The following KDM6A variants were observed in gnomAD, a reference collection of about 807,000 sequenced individuals.
The protein encoded by KDM6A is lysine demethylase 6A, also known as lysine-specific demethylase 6A.
KDM6A carries 11 observed loss-of-function variants against 117.6 expected under a neutral mutation model. That is an observed-to-expected ratio of 0.09 (90% CI 0.06 to 0.15). The LOEUF is 0.15. KDM6A is among the 10% of genes least tolerant of loss of function. The pLI, the probability that KDM6A is intolerant of heterozygous loss-of-function variation, is 1.00. For synonymous variants in KDM6A, 384 were observed against 396.1 expected (o/e 0.97, Z 0.36); for missense variants, 799 against 1,077.3 (o/e 0.74, Z 3.62).
intron 4 of KDM6A, among the ~76,000 whole-genome samples, chrX:44,986,398 G>A (rs1238994586): frequency 9.0e-6 from 1 of 111,226 alleles, no homozygotes; most frequent in Non-Finnish European, 1.9e-5. Flanking sequence ...GGTTTTTGGT[G>A]TCTCTATTTC....
chrX:44,961,341 T>G lies in KDM6A; in HGVS notation c.283T>G (p.Phe95Val). Residue 95 changes from phenylalanine to valine, a missense_variant, in exon 3 of 30, where the codon TTC (phenylalanine) becomes GTC (valine). Phe to Val is a conservative substitution (Grantham distance 50). This residue lies in a region of KDM6A where 89 missense variants were observed against 117.8 expected (regional missense o/e 0.76). Coordinates refer to ENST00000611820, the MANE Select transcript of KDM6A (RefSeq NM_001291415.2). ...LKAEGKVESD[F>V]FCQLGHFNLL... ...AGCTGAAGGAAAAGTGGAGTCTGAT[T>G]TCTTTTGTCAATTAGGTCACTTCAA... 8.3e-7 allele frequency: 1 copy of G among 1,204,228 alleles called. No individual in the cohort carries two copies. The highest frequency in any genetic ancestry group is 1.1e-6 in the Non-Finnish European group (1 of 889,164).
At chrX:44,984,490 C>T (rs2040092081) in intron 4 of KDM6A, among the ~76,000 whole-genome samples, 1 of 111,606 alleles carries the variant, frequency 9.0e-6, no homozygotes, top group African/African-American at 3.3e-5. Flanking sequence ...CTTGCCCAGG[C>T]CTGTGTCCTG....
chrX:45,061,179 A>AT (rs2044271106), intron 14 of KDM6A, 145 bp from the exon 15 acceptor site: 3 of 378,890 alleles, frequency 7.9e-6, no homozygotes, highest in South Asian at 4.4e-5. Context: ...ATGTAAAATT[A>AT]TTTTTTAAAG....
intron 8 of KDM6A, among the ~76,000 whole-genome samples, chrX:45,041,127 A>AC (rs1198781045): frequency 6.5e-5 from 3 of 46,407 alleles, no homozygotes; most frequent in Admixed American, 2.5e-4. Context: ...CGGGGGGCTG[A>AC]CCCCCACCAC....
chrX:44,894,993 C>A (rs868388640), intron 2 of KDM6A, among the ~76,000 whole-genome samples: 27 of 111,138 alleles, frequency 2.4e-4, no homozygotes, highest in Middle Eastern at 9.3e-3. Context: ...TCTCGAACTC[C>A]TGACCTCTGG....
intron 2 of KDM6A, among the ~76,000 whole-genome samples, chrX:44,914,253 G>A (rs1481077816): frequency 8.9e-6 from 1 of 112,116 alleles, no homozygotes; most frequent in African/African-American, 3.2e-5. Context: ...TGCTGGGGGG[G>A]TCAGCACGCC....
intron 8 of KDM6A, among the ~76,000 whole-genome samples, chrX:45,040,783 A>G (rs1472887502): frequency 4.8e-5 from 1 of 20,934 alleles, no homozygotes; most frequent in African/African-American, 2.0e-4. Flanking sequence ...TGACCCCCCC[A>G]ACCTCCCTCC....
intron 28 of KDM6A, among the ~76,000 whole-genome samples, chrX:45,108,991 G>A: frequency 1.4e-5 from 1 of 73,392 alleles, no homozygotes; most frequent in Non-Finnish European, 2.5e-5. Context: ...AGGGGGGAGG[G>A]ATAGCACTGG....
chrX:45,017,453 A>C (rs924494748), intron 5 of KDM6A, among the ~76,000 whole-genome samples: 2 of 110,455 alleles, frequency 1.8e-5, no homozygotes, highest in Admixed American at 9.7e-5. Flanking sequence ...TCAACTCTTA[A>C]CTCTAAACTC....
chrX:45,055,882 T>A lies in KDM6A; in HGVS notation c.875+1927T>A, dbSNP rs1482344132. Among the ~76,000 whole-genome samples, 6 of 107,399 alleles carry A rather than the reference T, an allele frequency of 5.6e-5. No homozygotes were observed. The Admixed American group carries it at 5.9e-4, about 11-fold the overall frequency. 93.3% of individuals were successfully genotyped at this position (107,399 alleles called of 115,157 possible). On this transcript the variant is annotated intron_variant, in intron 10 of 29. Coordinates refer to ENST00000611820, the MANE Select transcript of KDM6A (RefSeq NM_001291415.2). ...TGTAGATGTCTTTTTAGTATAGGTT[T>A]TTAAATTTAAATTCTAGTTACGTAA...
chrX:44,886,766 C>T (rs1302349335), intron 2 of KDM6A, among the ~76,000 whole-genome samples: 1 of 110,328 alleles, frequency 9.1e-6, no homozygotes, highest in Non-Finnish European at 1.9e-5. Context: ...GCTGAGATTA[C>T]AGGCATGAGA....
chrX:44,995,567 G>C (rs1360643484), intron 4 of KDM6A, among the ~76,000 whole-genome samples: 1 of 110,539 alleles, frequency 9.0e-6, no homozygotes. Context: ...TGCCTCCCCT[G>C]TTCAAGCAAG....
rs746371261 is a variant in KDM6A, at chrX:45,063,440, G to C, written c.1702G>C (p.Ala568Pro). 4 of 1,203,797 alleles carry C rather than the reference G, an allele frequency of 3.3e-6. No individual in the cohort carries two copies. The highest frequency in any genetic ancestry group is 4.5e-6 in the Non-Finnish European group (4 of 894,231). The change falls in exon 17 of 30, where the codon GCA becomes CCA. Residue 568 changes from alanine to proline, a missense_variant. Around this residue, in one of 8 missense-constraint regions of KDM6A, gnomAD observed 301 missense variants for 318.3 expected, o/e 0.95. Coordinates refer to ENST00000611820, the MANE Select transcript of KDM6A (RefSeq NM_001291415.2). ...TTGACAGATGAGACCAACAGGAGTT[G>C]CACAGGTACGATCTACTGGAATTCC... Reference protein sequence around the residue: ...QQHQMRPTGVAQVRSTGIPNG... With the variant: ...QQHQMRPTGVPQVRSTGIPNG...
At chrX:45,009,704 A>G (rs1161046276) in intron 4 of KDM6A, among the ~76,000 whole-genome samples, 1 of 111,443 alleles carries the variant, frequency 9.0e-6, no homozygotes, top group African/African-American at 3.3e-5. Flanking sequence ...TAGTATAATT[A>G]CCCTAGTTCC....
intron 18 of KDM6A, among the ~76,000 whole-genome samples, chrX:45,073,885 C>A (rs1371839206): frequency 9.0e-6 from 1 of 111,648 alleles, no homozygotes; most frequent in Admixed American, 9.5e-5. Context: ...TTAATTAGAT[C>A]CCATTTGTCT....
At chrX:44,925,729 G>A (rs1212309505) in intron 2 of KDM6A, among the ~76,000 whole-genome samples, 1 of 111,042 alleles carries the variant, frequency 9.0e-6, no homozygotes, top group Non-Finnish European at 1.9e-5. Context: ...GCAAACACAC[G>A]TATTTCTAGT....
chrX:44,933,095 C>T (rs1375031332), intron 2 of KDM6A, among the ~76,000 whole-genome samples: 1 of 107,458 alleles, frequency 9.3e-6, no homozygotes, highest in Non-Finnish European at 1.9e-5. Context: ...ACCATGTTGG[C>T]CAGGCTGGTC....
chrX:45,063,330 A>G, intron 16 of KDM6A, 92 bp from the exon 17 acceptor site: 1 of 856,441 alleles, frequency 1.2e-6, no homozygotes, highest in Admixed American at 2.2e-5. Flanking sequence ...ACATCTTCAT[A>G]TTCATCTGGG....
intron 4 of KDM6A, among the ~76,000 whole-genome samples, chrX:44,997,868 T>C (rs931300075): frequency 1.8e-5 from 2 of 112,105 alleles, no homozygotes; most frequent in African/African-American, 3.2e-5. Context: ...ATGGCTTTTT[T>C]AAGGCAGAGG....
Sources: allele counts gnomAD v4.1 joint callset (sites outside exome capture counted in the v4.1 genomes callset), GRCh38; gene constraint gnomAD v4.1.1; regional missense constraint gnomAD v4.1.1; transcripts MANE v1.5; gene names NCBI Gene and HGNC (gene_info 2026-07-23, HGNC 2026-07-21).